ABCA12: variants seen among roughly 807,000 people sequenced by gnomAD.
ABCA12 encodes ATP binding cassette subfamily A member 12, also known as glucosylceramide transporter ABCA12.
ABCA12 carries 156 observed loss-of-function variants against 293.5 expected under a neutral mutation model. That is an observed-to-expected ratio of 0.53 (90% CI 0.47 to 0.61). The LOEUF is 0.61. ABCA12 is among the 20% of genes least tolerant of loss of function. ABCA12 has a pLI of 0.00. For missense variants in ABCA12, 2,797 were observed against 3,090.2 expected (o/e 0.91, Z 2.25); for synonymous variants, 1,063 against 1,108.0 (o/e 0.96, Z 0.81).
chr2:215,068,504 C>T (rs546307427), intron 2 of ABCA12, among the ~76,000 whole-genome samples: 1 of 152,238 alleles, frequency 6.6e-6, no homozygotes, highest in South Asian at 2.1e-4. Context: ...TTTGCTGACT[C>T]CTGGAAGGAT....
chr2:215,083,247 G>A (rs557741475), intron 2 of ABCA12, among the ~76,000 whole-genome samples: 30 of 152,302 alleles, frequency 2.0e-4, no homozygotes, highest in Non-Finnish European at 3.4e-4. Flanking sequence ...CTGTTAGTCA[G>A]CAACACCTAG....
intron 7 of ABCA12, chr2:215,044,503 G>A (rs1264167203): frequency 6.6e-6 from 1 of 152,160 alleles, no homozygotes; most frequent in Admixed American, 6.6e-5. Flanking sequence ...AAAAGGATCA[G>A]AGTCAAAATT....
intron 31 of ABCA12, 152 bp from the exon 32 acceptor site, chr2:214,979,192 T>C (rs1699593650): frequency 2.8e-6 from 2 of 720,556 alleles, no homozygotes; most frequent in Non-Finnish European, 4.9e-6. Flanking sequence ...CCTTTGCCAC[T>C]TGGGTCCCTA....
chr2:215,053,723 C>T lies in ABCA12; in HGVS notation c.409+850G>A, dbSNP rs755645633. Among the ~76,000 whole-genome samples the T allele has an allele frequency of 1.8e-3, 270 of 152,046 alleles. 1 individual carries two copies. Among genetic ancestry groups the T allele is most frequent in the Middle Eastern group, 6.8e-3 (2 of 294 alleles). On this transcript the variant is annotated intron_variant, in intron 4 of 52. Transcript: ENST00000272895. Reference sequence around the variant, plus strand: ...ATCCCATGGCCTTTTAAAGAAACTCCCTTTTTATCCAGAGCACCAATCATA... The same window carrying T: ...ATCCCATGGCCTTTTAAAGAAACTCTCTTTTTATCCAGAGCACCAATCATA...
chr2:214,947,389 T>A (rs754933102), intron 48 of ABCA12, 33 bp downstream of exon 48: 20 of 1,613,312 alleles, frequency 1.2e-5, no homozygotes, highest in Non-Finnish European at 1.5e-5. Flanking sequence ...GTTCTAATTA[T>A]GGAGTGGCCT....
At chr2:214,999,343 A>G (rs769999848) in intron 22 of ABCA12, among the ~76,000 whole-genome samples, 1 of 152,202 alleles carries the variant, frequency 6.6e-6, no homozygotes, top group Non-Finnish European at 1.5e-5. Context: ...TTGGTCTTAT[A>G]AACAGGAGGA....
chr2:214,969,169 G>A (rs1199322257), intron 37 of ABCA12, among the ~76,000 whole-genome samples: 1 of 151,960 alleles, frequency 6.6e-6, no homozygotes, highest in African/African-American at 2.4e-5. Context: ...TAATATGGAA[G>A]TGATATAATA....
chr2:215,014,562 G>A (rs985897824), intron 15 of ABCA12, among the ~76,000 whole-genome samples: 31 of 152,136 alleles, frequency 2.0e-4, no homozygotes, highest in African/African-American at 6.5e-4. Flanking sequence ...TTGAGCAGAA[G>A]GGTGATATAA....
At position 215,000,807 on chromosome 2, in the gene ABCA12, T is replaced by C. The variant is rs758756508; in HGVS notation, c.3077A>G (p.Asp1026Gly). The change falls in exon 22 of 53, where the codon GAT (aspartate) becomes GGT (glycine). Residue 1026 changes from aspartate to glycine, a missense_variant. Physicochemically the swap from Asp to Gly is moderately conservative, Grantham distance 94. This residue lies in a region of ABCA12 where 2,130 missense variants were observed against 2,427.0 expected (regional missense o/e 0.88). Coordinates refer to ENST00000272895, the MANE Select transcript of ABCA12 (RefSeq NM_173076.3). ...IYGRAFIYLQ[D>G]SIERAIIELQ... ...TTCAATGATTGCTCTTTCAATACTATCCTGTAAATAAATAAAAGCCCTGCC... is the reference window on the plus strand; with the variant it reads ...TTCAATGATTGCTCTTTCAATACTACCCTGTAAATAAATAAAAGCCCTGCC... The C allele has an allele frequency of 1.9e-6, 3 of 1,614,126 alleles. No homozygotes were observed. Among genetic ancestry groups the C allele is most frequent in the Non-Finnish European group, 2.5e-6 (3 of 1,179,996 alleles).
chr2:215,134,411 T>C (rs1407100182), intron 1 of ABCA12, among the ~76,000 whole-genome samples: 1 of 145,896 alleles, frequency 6.9e-6, no homozygotes, highest in African/African-American at 2.5e-5. Flanking sequence ...TATATATGTA[T>C]ATATGTACAT....
intron 14 of ABCA12, among the ~76,000 whole-genome samples, chr2:215,017,221 C>T (rs1255285522): frequency 1.3e-5 from 2 of 152,228 alleles, no homozygotes; most frequent in Non-Finnish European, 2.9e-5. Context: ...AAATGACACA[C>T]TCTGTCACAC....
chr2:215,134,845 A>T (rs1703175872), intron 1 of ABCA12, among the ~76,000 whole-genome samples: 1 of 151,614 alleles, frequency 6.6e-6, no homozygotes. Flanking sequence ...AACAGGGTTT[A>T]CCATGTTGCC....
At chr2:214,939,108 A>C (rs1698313705) in intron 50 of ABCA12, among the ~76,000 whole-genome samples, 1 of 152,124 alleles carries the variant, frequency 6.6e-6, no homozygotes, top group Admixed American at 6.6e-5. Context: ...TTTATGTTTA[A>C]GTCTTTAATC....
intron 51 of ABCA12, among the ~76,000 whole-genome samples, chr2:214,936,808 T>G (rs1698234059): frequency 6.6e-6 from 1 of 152,108 alleles, no homozygotes; most frequent in Non-Finnish European, 1.5e-5. Context: ...TTTTTTGGGT[T>G]TTTTTAAGAA....
chr2:214,979,999 C>T (rs867654655), intron 31 of ABCA12, among the ~76,000 whole-genome samples: 1 of 152,122 alleles, frequency 6.6e-6, no homozygotes. Context: ...AATTACAGTC[C>T]CTGCACTGCC....
intron 2 of ABCA12, among the ~76,000 whole-genome samples, chr2:215,110,432 A>T (rs561042560): frequency 2.6e-4 from 39 of 152,298 alleles, no homozygotes; most frequent in African/African-American, 8.9e-4. Context: ...AATGGTGTGA[A>T]CCCAGGAGGC....
chr2:214,962,866 A>T (rs1699150518), intron 39 of ABCA12: 1 of 152,186 alleles, frequency 6.6e-6, no homozygotes, highest in South Asian at 2.1e-4. Context: ...GTTCTTTGAA[A>T]CTAATGAGAA....
At chr2:214,975,746 T>C in intron 34 of ABCA12, 39 bp downstream of exon 34, 1 of 1,613,416 alleles carries the variant, frequency 6.2e-7, no homozygotes, top group Non-Finnish European at 8.5e-7. Context: ...CCTGGAAGCA[T>C]TTTGGAAACA....
intron 50 of ABCA12, among the ~76,000 whole-genome samples, chr2:214,942,119 T>G (rs775147713): frequency 2.0e-5 from 3 of 152,172 alleles, no homozygotes; most frequent in African/African-American, 4.8e-5. Context: ...AAGGTCTTGA[T>G]AAGCAGGTCA....
Sources: allele counts gnomAD v4.1 joint callset (sites outside exome capture counted in the v4.1 genomes callset), GRCh38; gene constraint gnomAD v4.1.1; regional missense constraint gnomAD v4.1.1; transcripts MANE v1.5; gene names NCBI Gene and HGNC (gene_info 2026-07-23, HGNC 2026-07-21).